The following CCDC30 variants were observed in gnomAD, a reference collection of about 807,000 sequenced individuals.
CCDC30 encodes the protein coiled-coil domain-containing protein 30.
In CCDC30, 70 loss-of-function variants were observed where a neutral mutation model predicts 100.2. The observed-to-expected ratio is 0.70, with a 90% CI of 0.58 to 0.85. The LOEUF (loss-of-function observed/expected upper bound fraction) is 0.85. Ranked by LOEUF, CCDC30 falls within the 40% of genes least tolerant of loss-of-function variation. The probability of loss-of-function intolerance (pLI) is 0.00; values close to 1 mark genes in which losing one functional copy is unlikely to be tolerated. For missense variants in CCDC30, 652 were observed against 771.2 expected (o/e 0.85, Z 1.83); for synonymous variants, 233 against 269.5 (o/e 0.86, Z 1.33).
At chr1:42,565,185 A>T (rs1412960131) in intron 6 of CCDC30, among the ~76,000 whole-genome samples, 3 of 152,202 alleles carry the variant, frequency 2.0e-5, no homozygotes, top group Admixed American at 6.5e-5. Flanking sequence ...AAATAGACAA[A>T]TGGGGTTGCG....
intron 3 of CCDC30, among the ~76,000 whole-genome samples, chr1:42,483,806 T>C (rs1644003565): frequency 6.6e-6 from 1 of 152,154 alleles, no homozygotes; most frequent in African/African-American, 2.4e-5. Context: ...CCATAAATGC[T>C]AATATTCATC....
intron 4 of CCDC30, among the ~76,000 whole-genome samples, chr1:42,493,984 G>A (rs943243441): frequency 2.0e-5 from 3 of 152,088 alleles, no homozygotes; most frequent in African/African-American, 7.2e-5. Flanking sequence ...GAGGCCAAGG[G>A]GGGTGAATCA....
At chr1:42,547,772 A>G (rs1467749392) in intron 6 of CCDC30, among the ~76,000 whole-genome samples, 2 of 152,114 alleles carry the variant, frequency 1.3e-5, no homozygotes, top group African/African-American at 4.8e-5. Context: ...GGTCCATAAC[A>G]CAACCACATT....
At chr1:42,653,541 C>A in intron 16 of CCDC30, 98 bp downstream of exon 20, 1 of 781,438 alleles carries the variant, frequency 1.3e-6, no homozygotes, top group South Asian at 1.6e-5. Flanking sequence ...GGATTGCTGG[C>A]TTGAGAAGGC....
At chr1:42,514,884 C>T (rs1644531951) in intron 6 of CCDC30, among the ~76,000 whole-genome samples, 1 of 152,064 alleles carries the variant, frequency 6.6e-6, no homozygotes, top group Non-Finnish European at 1.5e-5. Flanking sequence ...AACTCCTGAC[C>T]TCAGGTGATC....
At chr1:42,582,924 A>T (rs1645995757) in intron 9 of CCDC30, among the ~76,000 whole-genome samples, 1 of 152,194 alleles carries the variant, frequency 6.6e-6, no homozygotes, top group African/African-American at 2.4e-5. Flanking sequence ...TGAATGCAAC[A>T]GTTTTGGCAC....
intron 6 of CCDC30, among the ~76,000 whole-genome samples, chr1:42,554,004 T>C (rs1184067694): frequency 1.3e-5 from 2 of 152,128 alleles, no homozygotes; most frequent in Non-Finnish European, 2.9e-5. Flanking sequence ...ATAGTATATA[T>C]ATATATGTAT....
intron 3 of CCDC30, among the ~76,000 whole-genome samples, chr1:42,486,760 C>T (rs531753610): frequency 2.6e-5 from 4 of 152,130 alleles, no homozygotes; most frequent in African/African-American, 9.7e-5. Context: ...TGTGAGTCCT[C>T]TTAGCACATC....
intron 6 of CCDC30, among the ~76,000 whole-genome samples, chr1:42,552,559 G>A (rs1645273855): frequency 6.6e-6 from 1 of 151,748 alleles, no homozygotes; most frequent in Non-Finnish European, 1.5e-5. Flanking sequence ...ACCAATTCAT[G>A]GATTTTCCAT....
chr1:42,619,792 C>G (rs1383315621), intron 11 of CCDC30, among the ~76,000 whole-genome samples: 1 of 152,164 alleles, frequency 6.6e-6, no homozygotes, highest in African/African-American at 2.4e-5. Context: ...ATGCAAATCC[C>G]CGCCCCCCAT....
At chr1:42,456,814 G>T in the CCDC30 span, 1 of 1,613,440 alleles carries the variant, frequency 6.2e-7, no homozygotes, top group Non-Finnish European at 8.5e-7. Flanking sequence ...TCCTGTTCTT[G>T]TATCGCGCTC....
intron 6 of CCDC30, chr1:42,558,336 T>C (rs1645416242): frequency 6.5e-6 from 1 of 154,378 alleles, no homozygotes; most frequent in African/African-American, 2.4e-5. Flanking sequence ...TATATAATGG[T>C]TAAACAAGAA....
At chr1:42,523,105 C>T (rs1644673213) in intron 6 of CCDC30, among the ~76,000 whole-genome samples, 1 of 152,192 alleles carries the variant, frequency 6.6e-6, no homozygotes. Flanking sequence ...GCTGGGATTA[C>T]AGGCATGAGC....
rs765945089 is a variant in CCDC30, at chr1:42,496,612, A to G, written c.242-486A>G. ...ACAAAAAGCCTATGTTCCATTTGTG[A>G]TCAATAAAATTTGAGGTATTAACAC... On this transcript the variant is annotated intron_variant, in intron 4 of 16. Transcript: ENST00000668663. 3.3e-5 allele frequency among the ~76,000 whole-genome samples: 5 copies of G among 152,258 alleles called. No individual in the cohort carries two copies. In the East Asian group the frequency reaches 5.8e-4, roughly 18 times the overall value.
chr1:42,610,512 C>G (rs1362235578), intron 10 of CCDC30, among the ~76,000 whole-genome samples: 2 of 152,138 alleles, frequency 1.3e-5, no homozygotes, highest in Non-Finnish European at 2.9e-5. Flanking sequence ...CAACCTCTGC[C>G]TCCTAGGCTC....
At chr1:42,540,442 T>G (rs1347044409) in intron 6 of CCDC30, among the ~76,000 whole-genome samples, 1 of 152,150 alleles carries the variant, frequency 6.6e-6, no homozygotes, top group Non-Finnish European at 1.5e-5. Context: ...ACAGATGAGC[T>G]GAAATGAGAA....
At chr1:42,564,953 C>T (rs941079329) in intron 6 of CCDC30, among the ~76,000 whole-genome samples, 4 of 152,108 alleles carry the variant, frequency 2.6e-5, no homozygotes, top group Admixed American at 2.6e-4. Flanking sequence ...CTTTCTGCGC[C>T]TGGCTTATTT....
intron 6 of CCDC30, among the ~76,000 whole-genome samples, chr1:42,528,396 G>A (rs1363174177): frequency 1.3e-5 from 2 of 152,214 alleles, no homozygotes; most frequent in African/African-American, 4.8e-5. Context: ...GATATGGGAA[G>A]CAGGCCCCAC....
intron 1 of CCDC30, among the ~76,000 whole-genome samples, chr1:42,476,536 C>G (rs1160339888): frequency 1.3e-5 from 2 of 151,902 alleles, no homozygotes; most frequent in African/African-American, 4.8e-5. Flanking sequence ...ACTAAAAATA[C>G]AAAATTAGCC....
Sources: gnomAD v4.1 joint callset for allele counts (sites outside exome capture counted in the v4.1 genomes callset) on GRCh38, gnomAD v4.1.1 for gene constraint, MANE v1.5 for transcripts, NCBI Gene and HGNC (gene_info 2026-07-23, HGNC 2026-07-21) for gene names.